AASDHPPT: variants seen among roughly 807,000 people sequenced by gnomAD.
AASDHPPT encodes L-aminoadipate-semialdehyde dehydrogenase-phosphopantetheinyl transferase.
Under a neutral mutation model 36.4 loss-of-function variants are expected in AASDHPPT, and 23 were observed. That is an observed-to-expected ratio of 0.63 (90% CI 0.45 to 0.89). The LOEUF (loss-of-function observed/expected upper bound fraction) is 0.89, where lower values mean the gene tolerates loss of function less well. AASDHPPT is among the 40% of genes least tolerant of loss of function. The pLI, the probability that AASDHPPT is intolerant of heterozygous loss-of-function variation, is 0.00. For synonymous variants in AASDHPPT, 115 were observed against 128.0 expected (o/e 0.90, Z 0.68); for missense variants, 377 against 378.2 (o/e 1.00, Z 0.03).
chr11:106,094,341 A>G (rs1467470003), intron 4 of AASDHPPT: 2 of 320,180 alleles, frequency 6.2e-6, no homozygotes, highest in Non-Finnish European at 1.1e-5. Context: ...TGCTGTGGTT[A>G]TGTAAGAGAA....
rs916121089 is a variant in AASDHPPT at position 106,094,912 on chromosome 11, G to A, written c.765+258G>A. On this transcript the variant is annotated intron_variant, in intron 5 of 5. Coordinates refer to ENST00000278618, the MANE Select transcript of AASDHPPT (RefSeq NM_015423.3). ...AGGCTGAGGCAGGCGGATCACCTGA[G>A]GTCAGGAGTTCCAGACCAGCCTGAC... Among the ~76,000 whole-genome samples, 6 of 152,078 alleles carry A rather than the reference G, an allele frequency of 3.9e-5. No homozygotes were observed. In the East Asian group the frequency reaches 1.2e-3, roughly 29 times the overall value.
In AASDHPPT at chr11:106,097,135, G is replaced by A. The variant is rs866061106; in HGVS notation, c.*228G>A. On this transcript the variant is annotated 3_prime_UTR_variant, in exon 6 of 6. Coordinates refer to ENST00000278618, the MANE Select transcript of AASDHPPT (RefSeq NM_015423.3). ...GCATTGAATTGATAGGAAGGATGGC[G>A]GAATCTTAAAGTGATACATGCTAAC... The A allele has an allele frequency of 3.5e-5, 14 of 400,786 alleles. No individual in the cohort carries two copies. Among genetic ancestry groups the A allele is most frequent in the Non-Finnish European group, 5.6e-5 (13 of 230,244 alleles). 24.8% of individuals were successfully genotyped at this position (400,786 alleles called of 1,614,324 possible). A position where few individuals can be genotyped will look rare whatever the true frequency, so the allele number is the denominator to read the frequency against.
rs1452836929 is a variant in AASDHPPT, at chr11:106,097,421, A to C, written c.*514A>C. 1.3e-5 allele frequency: 2 copies of C among 152,882 alleles called. No homozygotes were observed. The highest frequency in any genetic ancestry group is 2.9e-5 in the Non-Finnish European group (2 of 68,616). The allele number at this position is 152,882 out of a possible 1,614,324, so 9.5% of individuals were successfully genotyped here. Reference sequence around the variant, plus strand: ...TAATGTACTCTGTTGTATAGCTAATACAAGTTAGGATGCTTTTGGCCAGAG... The same window carrying C: ...TAATGTACTCTGTTGTATAGCTAATCCAAGTTAGGATGCTTTTGGCCAGAG... On this transcript the variant is annotated 3_prime_UTR_variant, in exon 6 of 6. Coordinates refer to ENST00000278618, the MANE Select transcript of AASDHPPT (RefSeq NM_015423.3).
chr11:106,094,379 G>C (rs1861290868), intron 4 of AASDHPPT: 1 of 382,124 alleles, frequency 2.6e-6, no homozygotes, highest in Non-Finnish European at 4.6e-6. Context: ...ACATGTTGAA[G>C]TATTTAAGAG....
Position 106,077,870 on chromosome 11 carries a change from G to C in AASDHPPT, c.160G>C (p.Ala54Pro), listed in dbSNP as rs1205630994. 1 of 1,614,144 alleles carries C rather than the reference G, an allele frequency of 6.2e-7. No homozygotes were observed. The highest frequency in any genetic ancestry group is 1.1e-5 in the South Asian group (1 of 91,084). The change falls in exon 1 of 6, where the codon GCC becomes CCC. Residue 54 changes from alanine (A) to proline (P), a missense_variant. Ala to Pro is a conservative substitution (Grantham distance 27). Transcript: ENST00000278618. ...EKERIGQFVF[A>P]RDAKAAMAGR... ...GGAGCGCATTGGCCAGTTCGTCTTT[G>C]CCCGGGACGCTAAGGCAGCCATGGT...
intron 5 of AASDHPPT, among the ~76,000 whole-genome samples, chr11:106,096,251 C>T (rs1441781825): frequency 6.6e-6 from 1 of 152,056 alleles, no homozygotes; most frequent in Non-Finnish European, 1.5e-5. Flanking sequence ...AGGGCTCTAT[C>T]TCAGAGAGTA....
chr11:106,085,103 G>T (rs1341417453), intron 2 of AASDHPPT, among the ~76,000 whole-genome samples: 3 of 151,782 alleles, frequency 2.0e-5, no homozygotes, highest in Non-Finnish European at 4.4e-5. Flanking sequence ...TAACACTTTT[G>T]GTTTGTTTGT....
Position 106,079,593 on chromosome 11 carries a change from A to C in AASDHPPT, c.310A>C (p.Asn104His). The change falls in exon 2 of 6, where the codon AAT becomes CAT. Residue 104 changes from asparagine to histidine, a missense_variant. Transcript: ENST00000278618. ...AAAGGACTCATCGAATCCTTACCCGAATTTCAACTTTAACATCTCTCATCA... is the reference window on the plus strand; with the variant it reads ...AAAGGACTCATCGAATCCTTACCCGCATTTCAACTTTAACATCTCTCATCA... The part of the protein sequence containing the change: ...LAKDSSNPYP[N>H]FNFNISHQGD... 1.9e-6 allele frequency: 3 copies of C among 1,614,170 alleles called. No homozygotes were observed. The highest frequency in any genetic ancestry group is 2.5e-6 in the Non-Finnish European group (3 of 1,180,010).
chr11:106,078,295 C>T (rs1450733834), intron 1 of AASDHPPT, among the ~76,000 whole-genome samples: 1 of 151,812 alleles, frequency 6.6e-6, no homozygotes, highest in African/African-American at 2.4e-5. Context: ...TGTTAAATAT[C>T]CCATCATTCT....
At chr11:106,091,728 A>G (rs1408656506) in intron 4 of AASDHPPT, 4 of 312,012 alleles carry the variant, frequency 1.3e-5, no homozygotes, top group East Asian at 5.8e-5. Flanking sequence ...CTTTGCATGT[A>G]TGAACAGCCA....
intron 2 of AASDHPPT, among the ~76,000 whole-genome samples, chr11:106,082,133 T>A (rs1861149854): frequency 6.6e-6 from 1 of 152,212 alleles, no homozygotes; most frequent in Non-Finnish European, 1.5e-5. Context: ...TGATCTTACT[T>A]GACTAATCAC....
chr11:106,096,748 A>T lies in AASDHPPT; in HGVS notation c.771A>T (p.Pro257=), dbSNP rs763584425. The T allele has an allele frequency of 7.6e-6, 12 of 1,581,010 alleles. No homozygotes were observed. Among genetic ancestry groups the T allele is most frequent in the Non-Finnish European group, 1.0e-5 (12 of 1,168,190 alleles). Residue 257 remains proline (P), a synonymous_variant, in exon 6 of 6, where the codon CCA becomes CCT. Transcript: ENST00000278618. Reference sequence around the variant, plus strand: ...AATCTGCTTTTGTCTTTTAGGTTCCATCTCAGGATGATTCCAAACCAACCC... The same window carrying T: ...AATCTGCTTTTGTCTTTTAGGTTCCTTCTCAGGATGATTCCAAACCAACCC... ...KPDGSRHQDV[P]SQDDSKPTQR...
At chr11:106,090,979 A>G (rs571989302) in intron 3 of AASDHPPT, among the ~76,000 whole-genome samples, 3 of 152,258 alleles carry the variant, frequency 2.0e-5, no homozygotes, top group South Asian at 4.1e-4. Flanking sequence ...GAGGTCCTAT[A>G]TAACAAACAC....
intron 2 of AASDHPPT, among the ~76,000 whole-genome samples, chr11:106,090,052 G>A (rs780678207): frequency 1.3e-5 from 2 of 151,918 alleles, no homozygotes; most frequent in African/African-American, 2.4e-5. Context: ...TCAGCTTTCT[G>A]CTAATTTTCC....
intron 5 of AASDHPPT, among the ~76,000 whole-genome samples, chr11:106,094,863 C>T (rs753424715): frequency 1.1e-4 from 16 of 152,138 alleles, no homozygotes; most frequent in Non-Finnish European, 5.9e-5. Context: ...TGGTGGCTCA[C>T]ACCTGTAATC....
At chr11:106,096,253 C>CA (rs762476896) in intron 5 of AASDHPPT, among the ~76,000 whole-genome samples, 49 of 152,180 alleles carry the variant, frequency 3.2e-4, no homozygotes, top group Non-Finnish European at 5.1e-4. Context: ...GGCTCTATCT[C>CA]AGAGAGTAAG....
In AASDHPPT at chr11:106,090,634, T is replaced by C. The variant is rs377347020; in HGVS notation, c.487T>C (p.Phe163Leu). The C allele has an allele frequency of 4.4e-6, 7 of 1,600,638 alleles. No individual in the cohort carries two copies. In the African/African-American group the frequency reaches 8.1e-5, roughly 19 times the overall value. Residue 163 changes from phenylalanine to leucine, a missense_variant, in exon 3 of 6, where the codon TTT becomes CTT. Physicochemically the swap from Phe to Leu is conservative, Grantham distance 22. Coordinates refer to ENST00000278618, the MANE Select transcript of AASDHPPT (RefSeq NM_015423.3). ...TNKEWETIRS[F>L]KDEWTQLDMF... is the part of the protein sequence containing the mutation. ...CAAAGAATGGGAAACAATCAGAAGC[T>C]TTAAGGATGAGTGGACTCAGCTGGA...
chr11:106,092,070 A>G (rs1861261950), intron 4 of AASDHPPT: 1 of 152,134 alleles, frequency 6.6e-6, no homozygotes, highest in African/African-American at 2.4e-5. Context: ...CATGTTTCTC[A>G]TTCTGTACAC....
At position 106,090,552 on chromosome 11, in the gene AASDHPPT, G is replaced by A; in HGVS notation, c.410-5G>A. The A allele has an allele frequency of 6.4e-7, 1 of 1,560,050 alleles. No individual in the cohort carries two copies. Among genetic ancestry groups the A allele is most frequent in the Non-Finnish European group, 8.6e-7 (1 of 1,160,276 alleles). ...CTATTTAATTTTTTATTTCTTAATT[G>A]GCAGGTCGTGGTTCAATTCCAGAAT... On this transcript the variant is annotated splice_region_variant and splice_polypyrimidine_tract_variant and intron_variant, in intron 2 of 5. Coordinates refer to ENST00000278618, the MANE Select transcript of AASDHPPT (RefSeq NM_015423.3).
Sources: gnomAD v4.1 joint callset for allele counts (sites outside exome capture counted in the v4.1 genomes callset) on GRCh38, gnomAD v4.1.1 for gene constraint, MANE v1.5 for transcripts, NCBI Gene and HGNC (gene_info 2026-07-23, HGNC 2026-07-21) for gene names.